The following LRRC72 variants were observed in gnomAD, a reference collection of about 807,000 sequenced individuals.
The protein encoded by LRRC72 is leucine-rich repeat-containing protein 72.
LRRC72 carries 41 observed loss-of-function variants against 35.8 expected under a neutral mutation model. The ratio of observed to expected loss-of-function variants is 1.15; its 90% CI spans 0.89 to 1.49. The LOEUF (loss-of-function observed/expected upper bound fraction) is 1.49. Ranked by LOEUF, LRRC72 falls within the 40% of genes most tolerant of loss-of-function variation. LRRC72 has a pLI of 0.00. For synonymous variants in LRRC72, 118 were observed against 119.2 expected, an observed-to-expected ratio of 0.99 and a Z score of 0.07; for missense variants, 389 against 330.7, an observed-to-expected ratio of 1.18 and a Z score of -1.37.
chr7:16,534,623 A>G (rs1220881948), intron 2 of LRRC72, among the ~76,000 whole-genome samples: 1 of 152,178 alleles, frequency 6.6e-6, no homozygotes, highest in Non-Finnish European at 1.5e-5. Context: ...AGCCTGGGTG[A>G]CAGAGCGAGA....
chr7:16,575,130 AGGAG>A (rs537455420), intron 7 of LRRC72, among the ~76,000 whole-genome samples: 11 of 100,192 alleles, frequency 1.1e-4, no homozygotes, highest in African/African-American at 1.5e-4. Context: ...AAGAAAGAAA[AGGAG>A]GGAGGGAGGG....
intron 3 of LRRC72, among the ~76,000 whole-genome samples, chr7:16,541,138 G>C (rs1164672727): frequency 6.6e-6 from 1 of 152,168 alleles, no homozygotes; most frequent in Non-Finnish European, 1.5e-5. Context: ...AAAAGAGCAA[G>C]ACCGAACTAA....
intron 3 of LRRC72, among the ~76,000 whole-genome samples, chr7:16,549,399 G>C (rs1229228740): frequency 6.6e-6 from 1 of 152,076 alleles, no homozygotes; most frequent in South Asian, 2.1e-4. Context: ...CAAAATCAAA[G>C]GGAGCCATGG....
chr7:16,562,886 T>C (rs1782767210), intron 5 of LRRC72, among the ~76,000 whole-genome samples: 1 of 152,230 alleles, frequency 6.6e-6, no homozygotes, highest in Admixed American at 6.5e-5. Context: ...CTCTGCTTTA[T>C]CGTAGTTTGC....
At chr7:16,565,431 A>G (rs1234534319) in intron 5 of LRRC72, among the ~76,000 whole-genome samples, 8 of 121,162 alleles carry the variant, frequency 6.6e-5, no homozygotes, top group Non-Finnish European at 8.6e-5. Flanking sequence ...GACTCTGTCA[A>G]AAAAAAAAAA....
chr7:16,530,841 T>C (rs1782148523), intron 1 of LRRC72, among the ~76,000 whole-genome samples: 1 of 152,178 alleles, frequency 6.6e-6, no homozygotes, highest in Non-Finnish European at 1.5e-5. Flanking sequence ...CCCCAAACAC[T>C]ATGCAAAGAT....
chr7:16,561,896 T>G (rs923551302), intron 5 of LRRC72, among the ~76,000 whole-genome samples: 1 of 152,274 alleles, frequency 6.6e-6, no homozygotes, highest in African/African-American at 2.4e-5. Flanking sequence ...GAGAACTCTA[T>G]GTATTTTCAA....
chr7:16,563,246 A>G (rs36096889), intron 5 of LRRC72, among the ~76,000 whole-genome samples: 27,779 of 152,176 alleles, frequency 0.18, 3,132 homozygotes, highest in East Asian at 0.35. Context: ...AAAGTTTACA[A>G]AAAAATAACT....
At chr7:16,547,396 C>G (rs1282188781) in intron 3 of LRRC72, among the ~76,000 whole-genome samples, 2 of 152,098 alleles carry the variant, frequency 1.3e-5, no homozygotes, top group Non-Finnish European at 2.9e-5. Flanking sequence ...CCAGGCACAA[C>G]TACAGCTGCC....
chr7:16,570,707 C>A (rs1782927339), intron 7 of LRRC72, among the ~76,000 whole-genome samples: 1 of 152,112 alleles, frequency 6.6e-6, no homozygotes, highest in African/African-American at 2.4e-5. Flanking sequence ...GTAATCCCAG[C>A]TACTCAGGAG....
chr7:16,537,942 T>C (rs1310827533), intron 3 of LRRC72, among the ~76,000 whole-genome samples: 1 of 152,204 alleles, frequency 6.6e-6, no homozygotes, highest in Non-Finnish European at 1.5e-5. Flanking sequence ...ATTTTACTTT[T>C]GTCTCCCACG....
intron 3 of LRRC72, among the ~76,000 whole-genome samples, chr7:16,553,456 T>C (rs1377428434): frequency 6.6e-6 from 1 of 152,194 alleles, no homozygotes; most frequent in African/African-American, 2.4e-5. Context: ...TGGGCTTTTG[T>C]TGGGATTATA....
At chr7:16,532,882 C>A in intron 2 of LRRC72, 2 of 334,690 alleles carry the variant, frequency 6.0e-6, no homozygotes, top group South Asian at 3.3e-5. Context: ...TATAGGACAT[C>A]CAGTTGAATT....
chr7:16,549,183 C>T (rs1250864561), intron 3 of LRRC72, among the ~76,000 whole-genome samples: 2 of 152,062 alleles, frequency 1.3e-5, no homozygotes, highest in African/African-American at 2.4e-5. Flanking sequence ...TATTTTGTTT[C>T]GTATTTTACT....
chr7:16,557,979 C>T (rs1318862115), intron 4 of LRRC72, among the ~76,000 whole-genome samples: 1 of 148,030 alleles, frequency 6.8e-6, no homozygotes, highest in African/African-American at 2.6e-5. Context: ...ATTTTAAGGC[C>T]CATCATGATG....
intron 3 of LRRC72, among the ~76,000 whole-genome samples, chr7:16,540,062 C>T (rs554166085): frequency 3.9e-5 from 6 of 152,234 alleles, no homozygotes; most frequent in African/African-American, 1.4e-4. Flanking sequence ...GGTAGCTTCA[C>T]CGACAACTTG....
chr7:16,544,171 T>C (rs1341603686), intron 3 of LRRC72, among the ~76,000 whole-genome samples: 3 of 152,302 alleles, frequency 2.0e-5, no homozygotes, highest in Non-Finnish European at 4.4e-5. Flanking sequence ...AGGCAATGAA[T>C]GTAATTTGGT....
chr7:16,556,243 A>T (rs1782648509), intron 3 of LRRC72, among the ~76,000 whole-genome samples: 1 of 152,202 alleles, frequency 6.6e-6, no homozygotes. Flanking sequence ...TAACCTTAAA[A>T]GTAAGATGCG....
At chr7:16,580,048 A>G (rs1477772968) in intron 7 of LRRC72, 26 bp from the exon 8 acceptor site, 2 of 420,544 alleles carry the variant, frequency 4.8e-6, no homozygotes, top group Admixed American at 3.7e-5. Context: ...TTAAAATACT[A>G]ACTTTAAAAT....
Sources: gnomAD v4.1 joint callset for allele counts (sites outside exome capture counted in the v4.1 genomes callset) on GRCh38, gnomAD v4.1.1 for gene constraint, MANE v1.5 for transcripts, NCBI Gene and HGNC (gene_info 2026-07-23, HGNC 2026-07-21) for gene names.